NPAS3: variants seen among roughly 807,000 people sequenced by gnomAD.
NPAS3 encodes the protein neuronal PAS domain-containing protein 3.
Under a neutral mutation model 73.1 loss-of-function variants are expected in NPAS3, and 14 were observed. The ratio of observed to expected loss-of-function variants is 0.19; its 90% CI spans 0.13 to 0.30. NPAS3 has a LOEUF of 0.30. NPAS3 is among the 10% of genes least tolerant of loss of function. The pLI is 1.00. For missense variants in NPAS3, 1,096 were observed against 1,250.0 expected (o/e 0.88, Z 1.86); for synonymous variants, 620 against 541.5 (o/e 1.14, Z -2.01).
chr14:33,012,839 A>G (rs544001337), intron 1 of NPAS3, among the ~76,000 whole-genome samples: 3 of 152,122 alleles, frequency 2.0e-5, no homozygotes, highest in Non-Finnish European at 4.4e-5. Context: ...CGTGAGCCAC[A>G]GCGCCCGGCC....
chr14:33,041,622 G>T (rs1246964413), intron 1 of NPAS3, among the ~76,000 whole-genome samples: 2 of 152,212 alleles, frequency 1.3e-5, no homozygotes, highest in Middle Eastern at 3.4e-3. Context: ...GTTTGGTCTA[G>T]GTCCCTTTGC....
intron 2 of NPAS3, among the ~76,000 whole-genome samples, chr14:33,085,886 T>C (rs1384411245): frequency 6.6e-6 from 1 of 152,154 alleles, no homozygotes; most frequent in Non-Finnish European, 1.5e-5. Context: ...ATTCATTGAC[T>C]AAATATTATG....
intron 2 of NPAS3, among the ~76,000 whole-genome samples, chr14:33,106,603 A>G (rs2042728539): frequency 6.6e-6 from 1 of 152,222 alleles, no homozygotes; most frequent in Non-Finnish European, 1.5e-5. Context: ...CTTCCACTGG[A>G]GCCCTGCTCT....
Position 33,236,945 on chromosome 14 carries a change from C to T in NPAS3, c.385+21519C>T, listed in dbSNP as rs1341534233. Among the ~76,000 whole-genome samples, 3 of 152,118 alleles carry T rather than the reference C, an allele frequency of 2.0e-5. No homozygotes were observed. The East Asian group carries it at 5.8e-4, about 29-fold the overall frequency. The stretch of plus-strand genomic sequence containing the variant: ...AATCAGTGTTTTGATTTTACAGTTA[C>T]AATTTTACAGTTACAGTTTTGATTT... On this transcript the variant is annotated intron_variant, in intron 3 of 11. Transcript: ENST00000356141.
chr14:33,791,282 T>G (rs997540427), intron 9 of NPAS3, among the ~76,000 whole-genome samples: 15 of 152,240 alleles, frequency 9.9e-5, no homozygotes, highest in Non-Finnish European at 2.1e-4. Flanking sequence ...AGCCATTCCC[T>G]TCCCCTTCAG....
chr14:33,513,070 G>T (rs542339452), intron 4 of NPAS3, among the ~76,000 whole-genome samples: 1 of 152,090 alleles, frequency 6.6e-6, no homozygotes, highest in South Asian at 2.1e-4. Context: ...AACTGTTTTT[G>T]TCATTGGTGG....
At chr14:33,730,295 A>G (rs922130389) in intron 6 of NPAS3, among the ~76,000 whole-genome samples, 1 of 152,222 alleles carries the variant, frequency 6.6e-6, no homozygotes, top group Non-Finnish European at 1.5e-5. Flanking sequence ...AACATTTGTC[A>G]TATTCTTGCT....
chr14:33,709,088 T>G (rs2060743214), intron 6 of NPAS3, among the ~76,000 whole-genome samples: 2 of 152,214 alleles, frequency 1.3e-5, no homozygotes, highest in African/African-American at 4.8e-5. Context: ...ATTGATTGAA[T>G]GAGTGGACAG....
chr14:33,431,420 A>T (rs944196275), intron 4 of NPAS3, among the ~76,000 whole-genome samples: 8 of 152,136 alleles, frequency 5.3e-5, no homozygotes, highest in African/African-American at 1.9e-4. Flanking sequence ...TTGTTCACTT[A>T]AAGGCCATTA....
intron 3 of NPAS3, among the ~76,000 whole-genome samples, chr14:33,332,191 C>T (rs1468898232): frequency 1.3e-5 from 2 of 152,150 alleles, no homozygotes; most frequent in Non-Finnish European, 2.9e-5. Flanking sequence ...ATTCCCAAAG[C>T]GATTTTATTT....
At chr14:33,295,738 G>A (rs2042271190) in intron 3 of NPAS3, among the ~76,000 whole-genome samples, 1 of 152,148 alleles carries the variant, frequency 6.6e-6, no homozygotes, top group South Asian at 2.1e-4. Context: ...GAGTCCATAA[G>A]GAGTTATATC....
chr14:33,563,517 T>TACACACACACACACACACAC (rs146854404), intron 5 of NPAS3, among the ~76,000 whole-genome samples: 39 of 106,916 alleles, frequency 3.6e-4, no homozygotes, highest in South Asian at 1.5e-3. Flanking sequence ...TACACATACA[T>TACACACACACACACACACAC]ACACACACAC....
At chr14:33,575,604 T>TAC (rs1484814642) in intron 5 of NPAS3, among the ~76,000 whole-genome samples, 1 of 152,228 alleles carries the variant, frequency 6.6e-6, no homozygotes, top group Non-Finnish European at 1.5e-5. Context: ...CTAAGGATGA[T>TAC]ACAGTCCTTC....
chr14:33,682,167 T>G (rs2059957916), intron 6 of NPAS3, among the ~76,000 whole-genome samples: 1 of 152,204 alleles, frequency 6.6e-6, no homozygotes, highest in African/African-American at 2.4e-5. Context: ...ATTCATATAC[T>G]ATAGGCAAAG....
intron 2 of NPAS3, among the ~76,000 whole-genome samples, chr14:33,194,472 T>C (rs2046280078): frequency 6.6e-6 from 1 of 152,176 alleles, no homozygotes; most frequent in South Asian, 2.1e-4. Context: ...TCAAGTGAAA[T>C]TAACTTAAAC....
rs1566989769 is a variant in NPAS3, at chr14:33,544,817, TATAA to T, written c.469-15303_469-15300del. Among the ~76,000 whole-genome samples, 171 of 104,758 alleles carry T rather than the reference TATAA, an allele frequency of 1.6e-3. 20 individuals are homozygous for T. The highest frequency in any genetic ancestry group is 8.1e-3 in the African/African-American group (159 of 19,718). The allele number at this position is 104,758 out of a possible 152,430, so 68.7% of individuals were successfully genotyped here. On this transcript the variant is annotated intron_variant, in intron 4 of 11. Transcript: ENST00000356141. ...ATATATATATATATATATATGTATA[TATAA>T]TATATATGTGTATATATATATTATA...
At chr14:33,131,003 G>C (rs1453520056) in intron 2 of NPAS3, among the ~76,000 whole-genome samples, 1 of 152,106 alleles carries the variant, frequency 6.6e-6, no homozygotes, top group African/African-American at 2.4e-5. Context: ...GATATACAGA[G>C]AAGTTTCAAA....
intron 4 of NPAS3, among the ~76,000 whole-genome samples, chr14:33,544,788 T>TTATATATATATATATATATATACATA (rs1555409894): frequency 4.7e-5 from 3 of 63,264 alleles, no homozygotes; most frequent in African/African-American, 2.6e-4. Context: ...TGTGTGTGTA[T>TTATATATATATATATATATATACATA]TATATATATA....
At chr14:33,207,061 A>C (rs1222021157) in intron 2 of NPAS3, among the ~76,000 whole-genome samples, 1 of 152,200 alleles carries the variant, frequency 6.6e-6, no homozygotes, top group Non-Finnish European at 1.5e-5. Flanking sequence ...ATCTCTTTCT[A>C]AACTTGCGAC....
Sources: gnomAD v4.1 joint callset for allele counts (sites outside exome capture counted in the v4.1 genomes callset) on GRCh38, gnomAD v4.1.1 for gene constraint, MANE v1.5 for transcripts, NCBI Gene and HGNC (gene_info 2026-07-23, HGNC 2026-07-21) for gene names.